The following EFNA5 variants were observed in gnomAD, a reference collection of about 807,000 sequenced individuals.
EFNA5 encodes the protein ephrin-A5.
Under a neutral mutation model 22.9 loss-of-function variants are expected in EFNA5, and 5 were observed. The ratio of observed to expected loss-of-function variants is 0.22; its 90% confidence interval spans 0.11 to 0.46. The LOEUF (loss-of-function observed/expected upper bound fraction) is 0.46, where lower values mean the gene tolerates loss of function less well. Ranked by LOEUF, EFNA5 falls within the 20% of genes least tolerant of loss-of-function variation. The probability of loss-of-function intolerance (pLI) is 0.99; values close to 1 mark genes in which losing one functional copy is unlikely to be tolerated. For missense variants in EFNA5, 237 were observed against 293.3 expected, an observed-to-expected ratio of 0.81 and a Z score of 1.40; for synonymous variants, 113 against 112.2, an observed-to-expected ratio of 1.01 and a Z score of -0.04.
intron 1 of EFNA5, among the ~76,000 whole-genome samples, chr5:107,484,293 G>T (rs187652673): frequency 2.6e-4 from 40 of 152,236 alleles, no homozygotes; most frequent in African/African-American, 9.4e-4. Context: ...AGTGAGAGAG[G>T]GCGCCTGGTT....
intron 1 of EFNA5, among the ~76,000 whole-genome samples, chr5:107,587,268 C>T (rs1412316639): frequency 6.6e-6 from 1 of 152,086 alleles, no homozygotes; most frequent in East Asian, 1.9e-4. Flanking sequence ...TCCTTCTTAT[C>T]CTAGAGAAGT....
rs546753406 is a variant in EFNA5, at chr5:107,560,314, C to G, written c.125+110175G>C. Among the ~76,000 whole-genome samples the G allele has an allele frequency of 1.7e-4, 26 of 152,066 alleles. 1 individual carries two copies. In the South Asian group the frequency reaches 4.2e-3, roughly 24 times the overall value. On this transcript the variant is annotated intron_variant, in intron 1 of 4. Coordinates refer to ENST00000333274, the MANE Select transcript of EFNA5 (RefSeq NM_001962.3). ...AAGGCCTTTGAAATAATATAAGGTA[C>G]AAAAGGAGAAGAAAAGAAGAAAAAT...
At chr5:107,415,834 T>C (rs1748490704) in intron 2 of EFNA5, among the ~76,000 whole-genome samples, 1 of 152,170 alleles carries the variant, frequency 6.6e-6, no homozygotes, top group Non-Finnish European at 1.5e-5. Context: ...AGTGAAACAA[T>C]AATTTGCAGC....
intron 1 of EFNA5, among the ~76,000 whole-genome samples, chr5:107,521,976 A>G (rs571482443): frequency 1.3e-5 from 2 of 152,130 alleles, no homozygotes; most frequent in Non-Finnish European, 1.5e-5. Flanking sequence ...CTACAGGTAC[A>G]CCATCTTGCT....
intron 1 of EFNA5, among the ~76,000 whole-genome samples, chr5:107,441,943 T>C (rs557879761): frequency 6.4e-4 from 97 of 152,314 alleles, no homozygotes; most frequent in African/African-American, 2.3e-3. Context: ...GAAATCCTCC[T>C]ACATAAAACT....
At chr5:107,642,495 A>G (rs1206776180) in intron 1 of EFNA5, among the ~76,000 whole-genome samples, 2 of 151,788 alleles carry the variant, frequency 1.3e-5, no homozygotes, top group Non-Finnish European at 2.9e-5. Context: ...AGGAATGTCA[A>G]GAGTGAATCG....
chr5:107,515,840 A>G (rs1461202388), intron 1 of EFNA5, among the ~76,000 whole-genome samples: 1 of 152,232 alleles, frequency 6.6e-6, no homozygotes, highest in Non-Finnish European at 1.5e-5. Flanking sequence ...TATGTTGTAC[A>G]CAGGAGAATC....
intron 1 of EFNA5, among the ~76,000 whole-genome samples, chr5:107,477,490 T>C (rs28208): frequency 0.15 from 22,130 of 152,084 alleles, 2,699 homozygotes; most frequent in East Asian, 0.31. Context: ...CTCTAGAAAA[T>C]TGTCTACATT....
intron 1 of EFNA5, among the ~76,000 whole-genome samples, chr5:107,590,905 A>C (rs1479799939): frequency 2.0e-5 from 3 of 152,186 alleles, no homozygotes. Flanking sequence ...ATAATCATAG[A>C]CGCTTGTAAC....
At chr5:107,474,413 C>T (rs1010365054) in intron 1 of EFNA5, among the ~76,000 whole-genome samples, 3 of 151,922 alleles carry the variant, frequency 2.0e-5, no homozygotes, top group Admixed American at 2.0e-4. Flanking sequence ...GTCATCAGCA[C>T]TGAACAGCCA....
At chr5:107,657,356 G>A (rs1750848452) in intron 1 of EFNA5, among the ~76,000 whole-genome samples, 1 of 151,972 alleles carries the variant, frequency 6.6e-6, no homozygotes, top group Non-Finnish European at 1.5e-5. Context: ...GTCACAGAAG[G>A]TTCTAGCATT....
chr5:107,379,492 C>G lies in EFNA5; in HGVS notation c.*1763G>C, dbSNP rs1237298734. The G allele has an allele frequency of 7.1e-6, 1 of 140,210 alleles. No individual in the cohort carries two copies. Among genetic ancestry groups the G allele is most frequent in the East Asian group, 2.0e-4 (1 of 4,918 alleles). The allele number at this position is 140,210 out of a possible 1,614,324, so 8.7% of individuals were successfully genotyped here. ...AATTTTTCACATTTTACATGATCAT[C>G]ACATTTATTTCTTATATTGAAAGGC... is the stretch of plus-strand genomic sequence containing the variant. On this transcript the variant is annotated 3_prime_UTR_variant, in exon 5 of 5. Transcript: ENST00000333274.
At chr5:107,442,536 T>C (rs1417660393) in intron 1 of EFNA5, among the ~76,000 whole-genome samples, 1 of 152,202 alleles carries the variant, frequency 6.6e-6, no homozygotes, top group Non-Finnish European at 1.5e-5. Flanking sequence ...TATGTTTTCC[T>C]AGGAAAGTTG....
chr5:107,565,135 T>A (rs1202468611), intron 1 of EFNA5, among the ~76,000 whole-genome samples: 1 of 152,204 alleles, frequency 6.6e-6, no homozygotes, highest in Non-Finnish European at 1.5e-5. Context: ...CTGAAAAACC[T>A]TCTGTGGTTT....
intron 1 of EFNA5, among the ~76,000 whole-genome samples, chr5:107,570,467 T>A (rs1048054529): frequency 6.6e-6 from 1 of 152,238 alleles, no homozygotes; most frequent in East Asian, 1.9e-4. Context: ...ATGCCTTTCA[T>A]GTAATCATCT....
At chr5:107,640,301 A>T (rs530462666) in intron 1 of EFNA5, among the ~76,000 whole-genome samples, 7 of 152,328 alleles carry the variant, frequency 4.6e-5, no homozygotes, top group Non-Finnish European at 7.3e-5. Context: ...TGCTTCCAGA[A>T]GTATGAGAAG....
intron 1 of EFNA5, among the ~76,000 whole-genome samples, chr5:107,585,990 T>G (rs964178457): frequency 6.6e-6 from 1 of 152,150 alleles, no homozygotes; most frequent in Non-Finnish European, 1.5e-5. Flanking sequence ...AGCAGATCAC[T>G]CAAAGAGAAA....
intron 1 of EFNA5, among the ~76,000 whole-genome samples, chr5:107,562,510 T>G (rs1748570937): frequency 6.6e-6 from 1 of 152,202 alleles, no homozygotes; most frequent in Admixed American, 6.5e-5. Context: ...TAACAGATTT[T>G]GACTTGAGAA....
rs145339260 is a variant in EFNA5 at position 107,659,718 on chromosome 5, T to G, written c.125+10771A>C. Among the ~76,000 whole-genome samples, 178 of 151,922 alleles carry G rather than the reference T, an allele frequency of 1.2e-3. 1 individual carries two copies. Among genetic ancestry groups the G allele is most frequent in the Admixed American group, 2.0e-3 (31 of 15,250 alleles). ...TTTGCAAAAGACGTAATGATAATAG[T>G]CAGATATGTTAATATATGTATTGAT... On this transcript the variant is annotated intron_variant, in intron 1 of 4. Transcript: ENST00000333274.
Sources: allele counts gnomAD v4.1 joint callset (sites outside exome capture counted in the v4.1 genomes callset), GRCh38; gene constraint gnomAD v4.1.1; transcripts MANE v1.5; gene names NCBI Gene and HGNC (gene_info 2026-07-23, HGNC 2026-07-21).